GREB1L: variants seen among roughly 807,000 people sequenced by gnomAD.
GREB1L encodes the protein GREB1 like retinoic acid receptor coactivator.
Under a neutral mutation model 200.8 loss-of-function variants are expected in GREB1L, and 17 were observed. That is an observed-to-expected ratio of 0.08 (90% CI 0.06 to 0.13). The LOEUF is 0.13. Among genes scored for constraint, GREB1L ranks in the 10% least tolerant of loss-of-function variants. GREB1L has a pLI of 1.00. For missense variants in GREB1L, 1,657 were observed against 2,367.7 expected, an observed-to-expected ratio of 0.70 and a Z score of 6.23; for synonymous variants, 789 against 893.0, an observed-to-expected ratio of 0.88 and a Z score of 2.08.
At chr18:21,268,558 CACATATATATATAT>C (rs1442411920) in intron 1 of GREB1L, among the ~76,000 whole-genome samples, 2,801 of 86,530 alleles carry the variant, frequency 0.032, 52 homozygotes, top group African/African-American at 0.1. Flanking sequence ...CACACACACA[CACATATATATATAT>C]ATATATATAT....
chr18:21,245,504 A>G (rs922063767), intron 1 of GREB1L, among the ~76,000 whole-genome samples: 8 of 152,314 alleles, frequency 5.3e-5, no homozygotes, highest in Non-Finnish European at 8.8e-5. Context: ...CAATCTTGCC[A>G]TATGAATGAA....
At chr18:21,392,133 A>T (rs6508383) in intron 4 of GREB1L, among the ~76,000 whole-genome samples, 13 of 152,098 alleles carry the variant, frequency 8.5e-5, no homozygotes, top group Non-Finnish European at 1.9e-4. Context: ...TTATTCATAT[A>T]CTGTTTGATA....
chr18:21,245,804 G>A (rs1455749580), intron 1 of GREB1L, among the ~76,000 whole-genome samples: 5 of 152,078 alleles, frequency 3.3e-5, no homozygotes, highest in Admixed American at 1.3e-4. Context: ...TGCAAGCTCC[G>A]CCTTCCGGGT....
intron 1 of GREB1L, among the ~76,000 whole-genome samples, chr18:21,322,697 A>T (rs1186950144): frequency 6.6e-6 from 1 of 152,162 alleles, no homozygotes; most frequent in Admixed American, 6.6e-5. Flanking sequence ...TATAACAGTG[A>T]ACTAATTATA....
chr18:21,336,229 A>T (rs2145096323), intron 1 of GREB1L, among the ~76,000 whole-genome samples: 1 of 152,340 alleles, frequency 6.6e-6, no homozygotes, highest in East Asian at 1.9e-4. Context: ...TGGAATGGGA[A>T]GCAACCACCC....
At chr18:21,288,626 T>C (rs1323651738) in intron 1 of GREB1L, among the ~76,000 whole-genome samples, 2 of 152,246 alleles carry the variant, frequency 1.3e-5, no homozygotes, top group Non-Finnish European at 2.9e-5. Flanking sequence ...CTAAGAACTT[T>C]TGTGCAGGTT....
intron 1 of GREB1L, among the ~76,000 whole-genome samples, chr18:21,252,758 C>G (rs1405299189): frequency 2.0e-5 from 3 of 151,732 alleles, no homozygotes; most frequent in Non-Finnish European, 4.4e-5. Flanking sequence ...ATCCCAGCTA[C>G]TCAGGAGGCT....
intron 17 of GREB1L, among the ~76,000 whole-genome samples, chr18:21,477,970 G>A (rs560229588): frequency 6.6e-6 from 1 of 152,192 alleles, no homozygotes; most frequent in South Asian, 2.1e-4. Context: ...AGAAAATGTT[G>A]ATGTTATCTG....
intron 8 of GREB1L, 123 bp from the exon 9 acceptor site, chr18:21,440,146 A>T: frequency 9.6e-7 from 1 of 1,036,320 alleles, no homozygotes; most frequent in Non-Finnish European, 1.4e-6. Flanking sequence ...AGTGATTTAG[A>T]CTTTCTGAGT....
intron 7 of GREB1L, among the ~76,000 whole-genome samples, chr18:21,431,037 T>C (rs1188374928): frequency 7.4e-6 from 1 of 135,586 alleles, no homozygotes; most frequent in Admixed American, 7.7e-5. Flanking sequence ...TTTATTTATT[T>C]TTGAGATGGA....
intron 15 of GREB1L, among the ~76,000 whole-genome samples, chr18:21,462,550 A>G (rs182767959): frequency 6.6e-6 from 1 of 152,222 alleles, no homozygotes; most frequent in East Asian, 1.9e-4. Flanking sequence ...CCCAGGTTCA[A>G]GTGATCCTCC....
chr18:21,426,595 T>C (rs2032596379), intron 7 of GREB1L, among the ~76,000 whole-genome samples: 1 of 152,134 alleles, frequency 6.6e-6, no homozygotes, highest in African/African-American at 2.4e-5. Context: ...ACTGCATAAT[T>C]ATGGTAGCTT....
intron 1 of GREB1L, among the ~76,000 whole-genome samples, chr18:21,314,291 AAGATAGTTTAGGATATAGTTT>A (rs1349268984): frequency 2.0e-5 from 3 of 152,144 alleles, no homozygotes; most frequent in Middle Eastern, 3.2e-3. Context: ...GATGTGATGG[AAGATAGTTTAGGATATAGTTT>A]AGATAGTTTA....
intron 21 of GREB1L, among the ~76,000 whole-genome samples, chr18:21,499,340 G>A (rs904762464): frequency 6.6e-6 from 1 of 152,218 alleles, no homozygotes; most frequent in African/African-American, 2.4e-5. Flanking sequence ...AAAGGAGCAA[G>A]AGGTGTGCTG....
At chr18:21,413,364 C>T (rs576593545) in intron 7 of GREB1L, among the ~76,000 whole-genome samples, 15 of 152,290 alleles carry the variant, frequency 9.8e-5, no homozygotes, top group South Asian at 2.1e-4. Context: ...TGTCTCCTTC[C>T]GCTTTGTGTC....
At chr18:21,401,478 T>C (rs2041313461) in intron 6 of GREB1L, among the ~76,000 whole-genome samples, 152 bp downstream of exon 6, 1 of 152,222 alleles carries the variant, frequency 6.6e-6, no homozygotes. Context: ...GGTAGGTTAT[T>C]TGACTTGCCC....
Position 21,444,149 on chromosome 18 carries a change from G to A in GREB1L, c.1208-75G>A, listed in dbSNP as rs146464559. 8.6e-4 allele frequency: 875 copies of A among 1,023,372 alleles called. 10 individuals are homozygous for A. The East Asian group carries it at 0.021, about 25-fold the overall frequency. The allele number at this position is 1,023,372 out of a possible 1,614,324, so 63.4% of individuals were successfully genotyped here. ...GGAATTTTGTTAAGCAGCTTTGATC[G>A]TCGTTGAGCAAGTGTACCTGGTTGG... On this transcript the variant is annotated intron_variant, in intron 10 of 32. Coordinates refer to ENST00000424526, the MANE Select transcript of GREB1L (RefSeq NM_001142966.3).
intron 17 of GREB1L, among the ~76,000 whole-genome samples, chr18:21,483,182 C>T (rs550768014): frequency 1.3e-5 from 2 of 152,268 alleles, no homozygotes; most frequent in African/African-American, 4.8e-5. Flanking sequence ...GGATGCAAGG[C>T]GGATGCATCG....
intron 1 of GREB1L, among the ~76,000 whole-genome samples, chr18:21,249,365 C>T (rs1292442749): frequency 2.6e-5 from 4 of 152,152 alleles, no homozygotes; most frequent in Non-Finnish European, 5.9e-5. Context: ...AAATCTCAGG[C>T]CCCATCCCGA....
Sources: gnomAD v4.1 joint callset for allele counts (sites outside exome capture counted in the v4.1 genomes callset) on GRCh38, gnomAD v4.1.1 for gene constraint, MANE v1.5 for transcripts, NCBI Gene and HGNC (gene_info 2026-07-23, HGNC 2026-07-21) for gene names.